AGAP1: variants seen among roughly 807,000 people sequenced by gnomAD.
AGAP1 encodes the protein ArfGAP with GTPase domain, ankyrin repeat and PH domain 1, also known as arf-GAP with GTPase, ANK repeat and PH domain-containing protein 1.
In AGAP1, 29 loss-of-function variants were observed where a neutral mutation model predicts 105.3. The ratio of observed to expected loss-of-function variants is 0.28; its 90% confidence interval spans 0.21 to 0.38. The LOEUF (loss-of-function observed/expected upper bound fraction) is 0.38, where lower values mean the gene tolerates loss of function less well. AGAP1 is among the 10% of genes least tolerant of loss of function. AGAP1 has a pLI of 1.00. For missense variants in AGAP1, 998 were observed against 1,165.1 expected (o/e 0.86, Z 2.09); for synonymous variants, 509 against 485.9 (o/e 1.05, Z -0.63).
intron 1 of AGAP1, among the ~76,000 whole-genome samples, chr2:235,617,231 A>G (rs1047566139): frequency 6.6e-6 from 1 of 152,222 alleles, no homozygotes; most frequent in African/African-American, 2.4e-5. Context: ...TTCAAAAACT[A>G]GGTTAAAATG....
intron 13 of AGAP1, among the ~76,000 whole-genome samples, chr2:236,010,041 A>G (rs1296277320): frequency 6.6e-6 from 1 of 152,196 alleles, no homozygotes; most frequent in African/African-American, 2.4e-5. Context: ...GAGCCAGTCA[A>G]AAGAGTCTCA....
intron 2 of AGAP1, among the ~76,000 whole-genome samples, chr2:235,713,584 A>G (rs998018288): frequency 6.6e-6 from 1 of 152,030 alleles, no homozygotes; most frequent in Non-Finnish European, 1.5e-5. Context: ...GTATTGGAGG[A>G]AGCCAGATCA....
intron 6 of AGAP1, among the ~76,000 whole-genome samples, chr2:235,778,299 A>G (rs892903950): frequency 6.6e-6 from 1 of 151,902 alleles, no homozygotes; most frequent in Admixed American, 6.5e-5. Flanking sequence ...TGCACTTTCC[A>G]CTTTGGGTAT....
In AGAP1 at chr2:235,981,493, T is replaced by C. The variant is rs2055094553; in HGVS notation, c.1645+12870T>C. On this transcript the variant is annotated intron_variant, in intron 13 of 17. Transcript: ENST00000304032. The surrounding 1 kb of genome is among the most constrained non-coding windows in gnomAD (Gnocchi z 5.5). ...CACACACGGTGTTATTTTTTTTCTT[T>C]CTGAATTTCATGAAAATAAAATATT... Among the ~76,000 whole-genome samples the C allele has an allele frequency of 6.6e-6, 1 of 152,120 alleles. No homozygotes were observed.
intron 6 of AGAP1, among the ~76,000 whole-genome samples, chr2:235,759,141 G>C (rs1167388287): frequency 6.7e-6 from 1 of 148,578 alleles, no homozygotes; most frequent in Non-Finnish European, 1.5e-5. Flanking sequence ...GGTGTCGTTA[G>C]CCCTAGGGTT....
chr2:235,892,377 CTG>C (rs1177017500), intron 10 of AGAP1, among the ~76,000 whole-genome samples: 2 of 152,052 alleles, frequency 1.3e-5, no homozygotes, highest in Admixed American at 6.6e-5. Flanking sequence ...CCCTTTGATT[CTG>C]TGTGTCGTCA....
At chr2:235,850,207 T>C (rs959247384) in intron 9 of AGAP1, among the ~76,000 whole-genome samples, 4 of 152,228 alleles carry the variant, frequency 2.6e-5, no homozygotes, top group Admixed American at 2.6e-4. Flanking sequence ...GCCAAAGGAA[T>C]GGAGATTCTG....
intron 1 of AGAP1, among the ~76,000 whole-genome samples, chr2:235,540,187 G>C (rs1280889723): frequency 2.5e-5 from 3 of 119,684 alleles, no homozygotes; most frequent in Non-Finnish European, 4.9e-5. Context: ...GTCTTACTCT[G>C]TTGCCCAGGC....
At chr2:235,645,601 G>C (rs1430652268) in intron 1 of AGAP1, among the ~76,000 whole-genome samples, 1 of 152,064 alleles carries the variant, frequency 6.6e-6, no homozygotes, top group Non-Finnish European at 1.5e-5. Context: ...CATTGCAGGG[G>C]TTTACGCCCC....
In AGAP1 at chr2:235,734,490, GA is replaced by G. The variant is rs1338633752; in HGVS notation, c.311-6471del. On this transcript the variant is annotated intron_variant, in intron 3 of 17. Coordinates refer to ENST00000304032, the MANE Select transcript of AGAP1 (RefSeq NM_001037131.3). This position sits in a 1 kb window ranked among gnomAD's most constrained non-coding sequence, Gnocchi z 5.3. The stretch of plus-strand genomic sequence containing the variant: ...CAGTGGGCTCTACACATGGAGCTTT[GA>G]AGTCAAGAGTCATTTTCATCCTTAG... Among the ~76,000 whole-genome samples, 12 of 150,188 alleles carry G rather than the reference GA, an allele frequency of 8.0e-5. No homozygotes were observed. In the East Asian group the frequency reaches 2.2e-3, roughly 27 times the overall value.
Position 235,908,718 on chromosome 2 carries a change from A to C in AGAP1, c.1156-20A>C, listed in dbSNP as rs748168654. The C allele has an allele frequency of 1.3e-5, 20 of 1,544,408 alleles. No homozygotes were observed. The highest frequency in any genetic ancestry group is 1.8e-5 in the Non-Finnish European group (20 of 1,141,826). On this transcript the variant is annotated intron_variant, in intron 10 of 17. Transcript: ENST00000304032. The surrounding 1 kb of genome is among the most constrained non-coding windows in gnomAD (Gnocchi z 4.4). ...TTTTTTTTTTTTTTATCTCTCTTGG[A>C]TGTTTAACATTTTCAACAGGATTAC...
At chr2:235,630,776 A>G (rs1946801662) in intron 1 of AGAP1, among the ~76,000 whole-genome samples, 1 of 152,180 alleles carries the variant, frequency 6.6e-6, no homozygotes, top group Admixed American at 6.5e-5. Flanking sequence ...TCATCGGAAC[A>G]GGACCACCCT....
intron 11 of AGAP1, among the ~76,000 whole-genome samples, chr2:235,920,424 G>A (rs950665595): frequency 2.6e-5 from 4 of 152,134 alleles, no homozygotes; most frequent in South Asian, 2.1e-4. Context: ...CGCTGCATGC[G>A]CATGGTGCCC....
At chr2:236,072,043 C>T (rs571326031) in intron 16 of AGAP1, among the ~76,000 whole-genome samples, 2 of 151,996 alleles carry the variant, frequency 1.3e-5, no homozygotes, top group African/African-American at 2.4e-5. Flanking sequence ...TAAAAAAACT[C>T]ACATATCCTG....
Position 236,089,138 on chromosome 2 carries a change from C to T in AGAP1, c.2115-31054C>T, listed in dbSNP as rs569755191. 6.6e-6 allele frequency among the ~76,000 whole-genome samples: 1 copy of T among 152,178 alleles called. No homozygotes were observed. The highest frequency in any genetic ancestry group is 1.5e-5 in the Non-Finnish European group (1 of 68,040). On this transcript the variant is annotated intron_variant, in intron 16 of 17. Transcript: ENST00000304032. This position sits in a 1 kb window ranked among gnomAD's most constrained non-coding sequence, Gnocchi z 5.6. Reference sequence around the variant, plus strand: ...GAAAGGGTCCAAGTCAGACCGCTCACGTGGGTGGCAGCGTCCAAGTCCAGT... The same window carrying T: ...GAAAGGGTCCAAGTCAGACCGCTCATGTGGGTGGCAGCGTCCAAGTCCAGT...
At chr2:236,085,963 A>C (rs1200526812) in intron 16 of AGAP1, among the ~76,000 whole-genome samples, 1 of 152,224 alleles carries the variant, frequency 6.6e-6, no homozygotes, top group African/African-American at 2.4e-5. Flanking sequence ...CGCTGACCAC[A>C]CTCGTCATTT....
chr2:236,097,959 A>G (rs558918443), intron 16 of AGAP1, among the ~76,000 whole-genome samples: 1 of 152,280 alleles, frequency 6.6e-6, no homozygotes, highest in Admixed American at 6.5e-5. Flanking sequence ...GAGTGTCCTC[A>G]AGGCTCATCA....
At position 236,080,518 on chromosome 2, in the gene AGAP1, T is replaced by A. The variant is rs1196915713; in HGVS notation, c.2114+31237T>A. On this transcript the variant is annotated intron_variant, in intron 16 of 17. Transcript: ENST00000304032. This position sits in a 1 kb window ranked among gnomAD's most constrained non-coding sequence, Gnocchi z 4.2. ...CACACTAGACATCAAGCTCAATGGATGCCACCAAGGGCAGCCACCTGCTGT... is the reference window on the plus strand; with the variant it reads ...CACACTAGACATCAAGCTCAATGGAAGCCACCAAGGGCAGCCACCTGCTGT... Among the ~76,000 whole-genome samples, 1 of 152,226 alleles carries A rather than the reference T, an allele frequency of 6.6e-6. No homozygotes were observed. Among genetic ancestry groups the A allele is most frequent in the Non-Finnish European group, 1.5e-5 (1 of 68,034 alleles).
At chr2:235,669,436 T>A (rs190233406) in intron 1 of AGAP1, among the ~76,000 whole-genome samples, 1 of 151,724 alleles carries the variant, frequency 6.6e-6, no homozygotes, top group Admixed American at 6.6e-5. Context: ...GCTGGGCCCC[T>A]CGGAGGCTCC....
Sources: allele counts gnomAD v4.1 joint callset (sites outside exome capture counted in the v4.1 genomes callset), GRCh38; gene constraint gnomAD v4.1.1; non-coding constraint Gnocchi (gnomAD v3.1); transcripts MANE v1.5; gene names NCBI Gene and HGNC (gene_info 2026-07-23, HGNC 2026-07-21).